The following ATP8B4 variants were observed in gnomAD, a reference collection of about 807,000 sequenced individuals.
ATP8B4 encodes the protein ATPase phospholipid transporting 8B4 (putative), also known as probable phospholipid-transporting ATPase IM.
A neutral mutation model predicts 145.6 loss-of-function variants in ATP8B4; 133 were observed. The observed-to-expected ratio is 0.91, with a 90% CI of 0.79 to 1.05. The LOEUF (loss-of-function observed/expected upper bound fraction) is 1.05, where lower values mean the gene tolerates loss of function less well. ATP8B4 is among the 50% of genes least tolerant of loss of function. ATP8B4 has a pLI of 0.00. For synonymous variants in ATP8B4, 507 were observed against 492.9 expected (o/e 1.03, Z -0.38); for missense variants, 1,458 against 1,425.2 (o/e 1.02, Z -0.37).
intron 6 of ATP8B4, among the ~76,000 whole-genome samples, chr15:50,015,951 G>A (rs2049056214): frequency 6.6e-6 from 1 of 152,180 alleles, no homozygotes. Context: ...AGGGAGGAGG[G>A]TGAAAATAAG....
At chr15:50,087,105 GATT>G (rs1469101468) in intron 2 of ATP8B4, among the ~76,000 whole-genome samples, 4 of 48,046 alleles carry the variant, frequency 8.3e-5, no homozygotes, top group Admixed American at 5.1e-4. Context: ...AATAAATATA[GATT>G]ATATTTATTA....
intron 1 of ATP8B4, among the ~76,000 whole-genome samples, chr15:50,153,631 C>T (rs2044376035): frequency 8.6e-6 from 1 of 115,796 alleles, no homozygotes; most frequent in Admixed American, 9.1e-5. Context: ...GCCACTGCGC[C>T]CAGCCTAGAC....
In ATP8B4 at chr15:50,168,312, T is replaced by C. The variant is rs994691975; in HGVS notation, c.-43+13949A>G. 4.0e-4 allele frequency among the ~76,000 whole-genome samples: 60 copies of C among 151,800 alleles called. 1 individual carries two copies. Among genetic ancestry groups the C allele is most frequent in the Admixed American group, 3.8e-3 (58 of 15,264 alleles). On this transcript the variant is annotated intron_variant, in intron 1 of 3. Transcript: ENST00000558829. Reference sequence around the variant, plus strand: ...GGACCCACAGACCCTCTGAAGGAAGTAGACTGCTCCTGCAGGACCACAGAG... The same window carrying C: ...GGACCCACAGACCCTCTGAAGGAAGCAGACTGCTCCTGCAGGACCACAGAG...
chr15:50,032,766 A>G (rs1169946773), intron 6 of ATP8B4, among the ~76,000 whole-genome samples: 1 of 152,210 alleles, frequency 6.6e-6, no homozygotes, highest in Non-Finnish European at 1.5e-5. Flanking sequence ...AAGCAGAAGG[A>G]TAAAAATGTA....
chr15:50,146,392 A>G (rs1202681774), intron 1 of ATP8B4, among the ~76,000 whole-genome samples: 1 of 152,250 alleles, frequency 6.6e-6, no homozygotes, highest in Non-Finnish European at 1.5e-5. Flanking sequence ...CAACCTAAGC[A>G]TGTATCATAT....
intron 2 of ATP8B4, among the ~76,000 whole-genome samples, chr15:50,089,654 CT>C (rs1223493951): frequency 5.3e-5 from 8 of 149,868 alleles, no homozygotes; most frequent in African/African-American, 7.3e-5. Flanking sequence ...GAAACAGGAA[CT>C]TTTTTTTTTC....
rs1470328310 is a variant in ATP8B4 at position 49,860,407 on chromosome 15, C to T, written c.3366G>A (p.Arg1122=). The T allele has an allele frequency of 1.9e-6, 3 of 1,614,142 alleles. No homozygotes were observed. The highest frequency in any genetic ancestry group is 2.2e-5 in the East Asian group (1 of 44,866). Residue 1122 remains arginine, a synonymous_variant, in exon 28 of 28, where the codon AGG becomes AGA. Transcript: ENST00000284509. ...PPSSRRPRTR[R]SSSRRSGYAF... ...CATATCCAGACCTTCTTGAGCTTGA[C>T]CTGCGGGTCCGAGGCCTTCGGCTAC... is the stretch of plus-strand genomic sequence containing the variant.
At chr15:50,071,458 G>C (rs2053730815) in intron 3 of ATP8B4, among the ~76,000 whole-genome samples, 1 of 152,178 alleles carries the variant, frequency 6.6e-6, no homozygotes, top group African/African-American at 2.4e-5. Context: ...GAAAATACTT[G>C]TTGCATATTG....
chr15:49,966,679 C>T (rs961606538), intron 13 of ATP8B4, among the ~76,000 whole-genome samples: 1 of 152,190 alleles, frequency 6.6e-6, no homozygotes, highest in South Asian at 2.1e-4. Flanking sequence ...GAAGGGGTGG[C>T]TGTGCGCGCA....
rs931366913 is a variant in ATP8B4 at position 50,039,812 on chromosome 15, T to C, written c.301-983A>G. 4.6e-5 allele frequency among the ~76,000 whole-genome samples: 7 copies of C among 152,160 alleles called. No individual in the cohort carries two copies. The South Asian group carries it at 6.2e-4, about 13-fold the overall frequency. On this transcript the variant is annotated intron_variant, in intron 5 of 27. Transcript: ENST00000284509. ...TTCCTTTTTCTACAGCCTTCCCAAA[T>C]CCATCCCAATCTTTCTATTATGCTA...
intron 14 of ATP8B4, among the ~76,000 whole-genome samples, chr15:49,955,589 A>T (rs545647634): frequency 6.6e-6 from 1 of 152,352 alleles, no homozygotes; most frequent in African/African-American, 2.4e-5. Flanking sequence ...TCATTGCAGC[A>T]TTATCACAAT....
Position 49,934,126 on chromosome 15 carries a change from G to T in ATP8B4, c.1344C>A (p.Phe448Leu). ...TGGATTCCATCAGATGGTGGTCAAA[G>T]AACTGAAATTCTCTATCCGCTTGAG... ...VKSQADREFQ[F>L]FDHHLMESIK... Residue 448 changes from phenylalanine to leucine, a missense_variant, in exon 15 of 28, where the codon TTC becomes TTA. Coordinates refer to ENST00000284509, the MANE Select transcript of ATP8B4 (RefSeq NM_024837.4). 1.2e-6 allele frequency: 2 copies of T among 1,612,604 alleles called. No homozygotes were observed. Among genetic ancestry groups the T allele is most frequent in the Non-Finnish European group, 1.7e-6 (2 of 1,179,208 alleles).
chr15:49,983,998 ATGAG>A (rs1431145220), intron 10 of ATP8B4, among the ~76,000 whole-genome samples: 1 of 152,222 alleles, frequency 6.6e-6, no homozygotes, highest in Non-Finnish European at 1.5e-5. Context: ...TTAATCCCCA[ATGAG>A]TAAGTAGCAT....
chr15:50,023,281 T>C (rs2049731517), intron 6 of ATP8B4, among the ~76,000 whole-genome samples: 1 of 152,200 alleles, frequency 6.6e-6, no homozygotes, highest in Non-Finnish European at 1.5e-5. Flanking sequence ...GAGCCACTAC[T>C]GGGAACGATA....
chr15:50,007,095 T>TTCCCTACATA (rs1567186477), intron 7 of ATP8B4, among the ~76,000 whole-genome samples: 3 of 77,838 alleles, frequency 3.9e-5, no homozygotes, highest in Non-Finnish European at 7.1e-5. Context: ...ATGCAGAACA[T>TTCCCTACATA]AAAAAAAATA....
At chr15:50,036,134 A>C (rs2050819638) in intron 6 of ATP8B4, among the ~76,000 whole-genome samples, 1 of 152,264 alleles carries the variant, frequency 6.6e-6, no homozygotes, top group African/African-American at 2.4e-5. Context: ...CCCTGGAAGC[A>C]GATCCTGAGA....
chr15:50,038,661 G>A (rs1233148002), intron 6 of ATP8B4, 107 bp downstream of exon 6: 4 of 817,100 alleles, frequency 4.9e-6, no homozygotes, highest in Non-Finnish European at 7.8e-6. Flanking sequence ...ATAAATTAAA[G>A]GGAAAAAAGA....
At chr15:50,116,643 A>T (rs2057167556) in intron 1 of ATP8B4, among the ~76,000 whole-genome samples, 3 of 152,172 alleles carry the variant, frequency 2.0e-5, no homozygotes, top group African/African-American at 7.2e-5. Flanking sequence ...AGGACGAGGA[A>T]CAAGGACAGA....
At chr15:49,982,180 C>G (rs2153535941) in intron 10 of ATP8B4, among the ~76,000 whole-genome samples, 1 of 151,978 alleles carries the variant, frequency 6.6e-6, no homozygotes, top group Middle Eastern at 3.4e-3. Flanking sequence ...GAGGCACACC[C>G]AAAATTATAT....
Sources: allele counts gnomAD v4.1 joint callset (sites outside exome capture counted in the v4.1 genomes callset), GRCh38; gene constraint gnomAD v4.1.1; transcripts MANE v1.5; gene names NCBI Gene and HGNC (gene_info 2026-07-23, HGNC 2026-07-21).